The following RERE variants were observed in gnomAD, a reference collection of about 807,000 sequenced individuals.
RERE encodes the protein arginine-glutamic acid dipeptide repeats, also known as arginine-glutamic acid dipeptide repeats protein.
RERE carries 40 observed loss-of-function variants against 146.1 expected under a neutral mutation model. The observed-to-expected ratio is 0.27, with a 90% CI of 0.21 to 0.36. The LOEUF (loss-of-function observed/expected upper bound fraction) is 0.36, where lower values mean the gene tolerates loss of function less well. Among genes scored for constraint, RERE ranks in the 10% least tolerant of loss-of-function variants. The pLI is 1.00. For missense variants in RERE, 1,933 were observed against 2,138.7 expected (o/e 0.90, Z 1.90); for synonymous variants, 1,003 against 866.0 (o/e 1.16, Z -2.78).
chr1:8,459,623 G>A (rs1489127821), intron 11 of RERE, among the ~76,000 whole-genome samples: 2 of 152,176 alleles, frequency 1.3e-5, no homozygotes, highest in African/African-American at 2.4e-5. Flanking sequence ...ACATACGTAA[G>A]TTGACAATGA....
chr1:8,575,555 A>AT (rs1557693784), intron 4 of RERE, among the ~76,000 whole-genome samples: 3 of 62,740 alleles, frequency 4.8e-5, no homozygotes, highest in Admixed American at 1.5e-4. Flanking sequence ...ATATATATAT[A>AT]TATATATTTT....
chr1:8,470,561 A>G (rs566853858), intron 10 of RERE, among the ~76,000 whole-genome samples: 24 of 151,860 alleles, frequency 1.6e-4, no homozygotes, highest in Non-Finnish European at 3.2e-4. Context: ...CCCCAAAGAG[A>G]TATTTCTTGA....
intron 8 of RERE, among the ~76,000 whole-genome samples, chr1:8,501,013 G>C (rs1645132465): frequency 1.7e-5 from 2 of 120,864 alleles, no homozygotes; most frequent in Non-Finnish European, 1.7e-5. Context: ...TCTCCGCCCG[G>C]CAGCCACCCC....
chr1:8,669,624 A>C (rs1400432621), intron 1 of RERE, among the ~76,000 whole-genome samples: 1 of 152,248 alleles, frequency 6.6e-6, no homozygotes, highest in Admixed American at 6.5e-5. Context: ...GTAAAAACAC[A>C]GTCAATTAAA....
intron 6 of RERE, among the ~76,000 whole-genome samples, chr1:8,548,710 C>T (rs1225972450): frequency 1.3e-5 from 2 of 152,170 alleles, no homozygotes; most frequent in Non-Finnish European, 2.9e-5. Flanking sequence ...TCAGGCCAGG[C>T]CCAGTGGCTC....
rs116514160 is a variant in RERE, at chr1:8,573,790, T to C, written c.523-16267A>G. On this transcript the variant is annotated intron_variant, in intron 4 of 22. Transcript: ENST00000400908. ...GTTTATGTCTAAGCATGGTTTTAGA[T>C]AAAGCCATTAACTGTGATGTGTTGC... is the stretch of plus-strand genomic sequence containing the variant. Among the ~76,000 whole-genome samples the C allele has an allele frequency of 4.4e-3, 675 of 152,314 alleles. 1 individual carries two copies. Among genetic ancestry groups the C allele is most frequent in the African/African-American group, 0.015 (634 of 41,578 alleles).
chr1:8,453,329 C>G (rs1644410849), intron 11 of RERE, among the ~76,000 whole-genome samples: 2 of 152,200 alleles, frequency 1.3e-5, no homozygotes, highest in Non-Finnish European at 2.9e-5. Context: ...GAGCCCACCC[C>G]ACTCTTTAAG....
rs58064164 is a variant in RERE, at chr1:8,516,227, GAAAAAAAAAAAA to G, written c.831-7564_831-7553del. Among the ~76,000 whole-genome samples, 7 of 52,304 alleles carry G rather than the reference GAAAAAAAAAAAA, an allele frequency of 1.3e-4. 1 individual carries two copies. The highest frequency in any genetic ancestry group is 2.6e-4 in the African/African-American group (3 of 11,598). The allele number at this position is 52,304 out of a possible 152,430, so 34.3% of individuals were successfully genotyped here. On this transcript the variant is annotated intron_variant, in intron 7 of 22. Transcript: ENST00000400908. ...GGGACGGAGCAAGACTCTCTCAGAGGAAAAAAAAAAAAAAAAAAAAAATCTAGGTGTATTATA... is the reference window on the plus strand; with the variant it reads ...GGGACGGAGCAAGACTCTCTCAGAGGAAAAAAAAAATCTAGGTGTATTATA...
intron 4 of RERE, among the ~76,000 whole-genome samples, chr1:8,599,733 G>A (rs949746485): frequency 5.9e-5 from 9 of 152,174 alleles, no homozygotes; most frequent in African/African-American, 1.9e-4. Context: ...AGCCCATCAA[G>A]GAGTGAGTAT....
chr1:8,637,625 C>T (rs1254954676), intron 2 of RERE, among the ~76,000 whole-genome samples: 2 of 152,186 alleles, frequency 1.3e-5, no homozygotes, highest in Non-Finnish European at 2.9e-5. Context: ...ACACCCTTAA[C>T]CCGGGGACCA....
At chr1:8,611,274 T>C (rs1359362241) in intron 4 of RERE, among the ~76,000 whole-genome samples, 2 of 151,846 alleles carry the variant, frequency 1.3e-5, no homozygotes, top group Non-Finnish European at 2.9e-5. Context: ...GAAGCCAAGA[T>C]GAGAGGATCA....
chr1:8,419,861 G>A (rs1034118272), intron 12 of RERE, among the ~76,000 whole-genome samples: 5 of 151,972 alleles, frequency 3.3e-5, no homozygotes, highest in Non-Finnish European at 4.4e-5. Context: ...AAGTAACGAC[G>A]TACAGGCATT....
At chr1:8,631,386 C>G (rs903517099) in intron 2 of RERE, among the ~76,000 whole-genome samples, 2 of 152,116 alleles carry the variant, frequency 1.3e-5, no homozygotes, top group African/African-American at 4.8e-5. Context: ...TGGGTGACAG[C>G]ATGAAACCTT....
intron 12 of RERE, among the ~76,000 whole-genome samples, chr1:8,376,354 C>A (rs1224000130): frequency 6.6e-6 from 1 of 152,196 alleles, no homozygotes; most frequent in Non-Finnish European, 1.5e-5. Flanking sequence ...GAGCCCCCAT[C>A]CCAGCACCCA....
chr1:8,565,793 A>T (rs541052818), intron 4 of RERE, among the ~76,000 whole-genome samples: 43 of 152,346 alleles, frequency 2.8e-4, no homozygotes, highest in African/African-American at 9.6e-4. Flanking sequence ...ATTACAGCTC[A>T]AAACGCCAGG....
chr1:8,571,209 A>T (rs1646217359), intron 4 of RERE, among the ~76,000 whole-genome samples: 1 of 152,242 alleles, frequency 6.6e-6, no homozygotes, highest in Non-Finnish European at 1.5e-5. Context: ...GGCATCATTA[A>T]ACAAAACCTT....
intron 1 of RERE, among the ~76,000 whole-genome samples, chr1:8,765,353 G>A (rs1569745438): frequency 6.6e-6 from 1 of 152,210 alleles, no homozygotes; most frequent in African/African-American, 2.4e-5. Context: ...AGTAGAGGAG[G>A]AAATGAGGAG....
chr1:8,503,863 T>C (rs984794127), intron 8 of RERE, among the ~76,000 whole-genome samples: 1 of 152,180 alleles, frequency 6.6e-6, no homozygotes, highest in Non-Finnish European at 1.5e-5. Flanking sequence ...GCATACTGTT[T>C]GTAGCCATGT....
intron 12 of RERE, among the ~76,000 whole-genome samples, chr1:8,395,587 G>GA (rs77080635): frequency 6.6e-4 from 98 of 148,720 alleles, no homozygotes; most frequent in Non-Finnish European, 1.0e-3. Context: ...CTGGAGGTAG[G>GA]AAAAAAAAAA....
Sources: gnomAD v4.1 joint callset for allele counts (sites outside exome capture counted in the v4.1 genomes callset) on GRCh38, gnomAD v4.1.1 for gene constraint, MANE v1.5 for transcripts, NCBI Gene and HGNC (gene_info 2026-07-23, HGNC 2026-07-21) for gene names.